MDGA2: variants seen among roughly 807,000 people sequenced by gnomAD.
MDGA2 encodes the protein MAM domain containing glycosylphosphatidylinositol anchor 2.
Under a neutral mutation model 117.8 loss-of-function variants are expected in MDGA2, and 40 were observed. That is an observed-to-expected ratio of 0.34 (90% CI 0.26 to 0.44). The LOEUF (loss-of-function observed/expected upper bound fraction) is 0.44. Ranked by LOEUF, MDGA2 falls within the 20% of genes least tolerant of loss-of-function variation. The pLI is 1.00. For missense variants in MDGA2, 1,123 were observed against 1,250.6 expected, an observed-to-expected ratio of 0.90 and a Z score of 1.54; for synonymous variants, 452 against 439.0, an observed-to-expected ratio of 1.03 and a Z score of -0.37.
At chr14:47,628,559 C>A (rs2138216873) in intron 1 of MDGA2, among the ~76,000 whole-genome samples, 1 of 152,342 alleles carries the variant, frequency 6.6e-6, no homozygotes, top group African/African-American at 2.4e-5. Context: ...AGGGTTCTCA[C>A]TAAGTATTAG....
At chr14:46,854,416 A>G (rs1881182274) in intron 15 of MDGA2, among the ~76,000 whole-genome samples, 1 of 151,718 alleles carries the variant, frequency 6.6e-6, no homozygotes, top group South Asian at 2.1e-4. Flanking sequence ...CCACTGAAAT[A>G]GCTTAATGAT....
intron 1 of MDGA2, among the ~76,000 whole-genome samples, chr14:47,606,555 A>G (rs965216900): frequency 6.6e-6 from 1 of 152,142 alleles, no homozygotes; most frequent in Non-Finnish European, 1.5e-5. Flanking sequence ...TGTGTGTAGC[A>G]ATCTTGGAAT....
intron 2 of MDGA2, among the ~76,000 whole-genome samples, chr14:47,282,207 TTTG>T (rs146848644): frequency 2.4e-4 from 36 of 152,234 alleles, no homozygotes; most frequent in African/African-American, 5.1e-4. Context: ...ATTCATTCTT[TTTG>T]TTGTTGTTGT....
intron 1 of MDGA2, among the ~76,000 whole-genome samples, chr14:47,415,670 G>A (rs1487969172): frequency 6.6e-6 from 1 of 152,034 alleles, no homozygotes; most frequent in African/African-American, 2.4e-5. Context: ...ATACACACAA[G>A]GTATATGACT....
At chr14:47,067,089 T>C (rs1289400844) in intron 6 of MDGA2, among the ~76,000 whole-genome samples, 1 of 152,208 alleles carries the variant, frequency 6.6e-6, no homozygotes, top group Non-Finnish European at 1.5e-5. Flanking sequence ...CACTCCAGCC[T>C]GGACAACAAG....
intron 3 of MDGA2, among the ~76,000 whole-genome samples, chr14:47,216,533 A>G (rs1273360732): frequency 6.6e-6 from 1 of 152,088 alleles, no homozygotes; most frequent in Admixed American, 6.6e-5. Context: ...TTGACACCAC[A>G]CTAGTTAACA....
At position 47,301,940 on chromosome 14, in the gene MDGA2, G is replaced by C. The variant is rs117625399; in HGVS notation, c.281-390C>G. Among the ~76,000 whole-genome samples, 146 of 152,234 alleles carry C rather than the reference G, an allele frequency of 9.6e-4. 3 individuals carry two copies. The East Asian group carries it at 0.019, about 19-fold the overall frequency. On this transcript the variant is annotated intron_variant, in intron 1 of 16. Transcript: ENST00000399232. The stretch of plus-strand genomic sequence containing the variant: ...AAAGAAGACAATTGGAGGAGAAAAG[G>C]GAATTTGAATGGAAGACATTGACAT...
chr14:47,396,719 C>G (rs2138449772), intron 1 of MDGA2, among the ~76,000 whole-genome samples: 1 of 152,184 alleles, frequency 6.6e-6, no homozygotes, highest in South Asian at 2.1e-4. Context: ...ATGTGGCCAA[C>G]AAGTATATGA....
chr14:47,649,130 G>A (rs930554114), intron 1 of MDGA2, among the ~76,000 whole-genome samples: 7 of 152,080 alleles, frequency 4.6e-5, no homozygotes, highest in Non-Finnish European at 7.4e-5. Flanking sequence ...CATAGTCATA[G>A]TGATTAAGAG....
chr14:47,165,505 A>T (rs1053647786), intron 3 of MDGA2, among the ~76,000 whole-genome samples: 3 of 152,042 alleles, frequency 2.0e-5, no homozygotes, highest in Non-Finnish European at 2.9e-5. Flanking sequence ...CTCCTTCAGG[A>T]CTGTAGAGGT....
At chr14:47,453,789 T>C (rs995305148) in intron 1 of MDGA2, among the ~76,000 whole-genome samples, 3 of 152,192 alleles carry the variant, frequency 2.0e-5, no homozygotes, top group Non-Finnish European at 4.4e-5. Flanking sequence ...GACTAATCTA[T>C]AGCCAGTTTA....
intron 2 of MDGA2, among the ~76,000 whole-genome samples, chr14:47,256,959 GAA>G (rs1245798308): frequency 6.7e-6 from 1 of 148,860 alleles, no homozygotes; most frequent in South Asian, 2.1e-4. Flanking sequence ...GAAAGGGAAA[GAA>G]AAAAAGAGAA....
intron 8 of MDGA2, among the ~76,000 whole-genome samples, chr14:46,970,812 A>C (rs988582759): frequency 2.6e-5 from 4 of 152,150 alleles, no homozygotes; most frequent in African/African-American, 9.6e-5. Flanking sequence ...GATAATATCT[A>C]GAATATACAA....
At chr14:47,046,248 A>C (rs1276277536) in intron 7 of MDGA2, among the ~76,000 whole-genome samples, 1 of 152,194 alleles carries the variant, frequency 6.6e-6, no homozygotes, top group Non-Finnish European at 1.5e-5. Flanking sequence ...AGAAATGGCT[A>C]GGTCATTCGA....
At chr14:47,524,767 A>T (rs1894937585) in intron 1 of MDGA2, among the ~76,000 whole-genome samples, 1 of 152,202 alleles carries the variant, frequency 6.6e-6, no homozygotes, top group African/African-American at 2.4e-5. Context: ...ACTGTGTCTT[A>T]TGCCTCTTGG....
At chr14:47,243,136 T>G (rs1270952458) in intron 2 of MDGA2, among the ~76,000 whole-genome samples, 2 of 151,712 alleles carry the variant, frequency 1.3e-5, no homozygotes, top group Non-Finnish European at 3.0e-5. Flanking sequence ...ATCAGCACCC[T>G]GTGTTTAGCT....
At chr14:47,047,290 T>G (rs1442045286) in intron 7 of MDGA2, among the ~76,000 whole-genome samples, 4 of 152,128 alleles carry the variant, frequency 2.6e-5, no homozygotes, top group Non-Finnish European at 5.9e-5. Flanking sequence ...GTAATCCACA[T>G]ACTAGCTGTG....
At chr14:47,197,105 G>A (rs1466670337) in intron 3 of MDGA2, among the ~76,000 whole-genome samples, 1 of 152,092 alleles carries the variant, frequency 6.6e-6, no homozygotes, top group Non-Finnish European at 1.5e-5. Context: ...CTTTGATATT[G>A]TGAATAGTTC....
At chr14:47,307,362 GTTACA>G (rs1264247224) in intron 1 of MDGA2, among the ~76,000 whole-genome samples, 1 of 152,082 alleles carries the variant, frequency 6.6e-6, no homozygotes, top group Non-Finnish European at 1.5e-5. Flanking sequence ...CATTAGCCTA[GTTACA>G]TTACATGTTT....
Sources: allele counts gnomAD v4.1 joint callset (sites outside exome capture counted in the v4.1 genomes callset), GRCh38; gene constraint gnomAD v4.1.1; transcripts MANE v1.5; gene names NCBI Gene and HGNC (gene_info 2026-07-23, HGNC 2026-07-21).